Variants in CPT1A observed in about 807,000 individuals in gnomAD.
CPT1A encodes carnitine palmitoyltransferase 1A, also known as carnitine O-palmitoyltransferase 1, liver isoform.
In CPT1A, 64 loss-of-function variants were observed where a neutral mutation model predicts 100.8. The observed-to-expected ratio is 0.63, with a 90% CI of 0.52 to 0.78. The LOEUF (loss-of-function observed/expected upper bound fraction) is 0.78. Among genes scored for constraint, CPT1A ranks in the 30% least tolerant of loss-of-function variants. The pLI is 0.00. For synonymous variants in CPT1A, 363 were observed against 396.0 expected, an observed-to-expected ratio of 0.92 and a Z score of 0.99; for missense variants, 802 against 1,034.1, an observed-to-expected ratio of 0.78 and a Z score of 3.08.
intron 1 of CPT1A, among the ~76,000 whole-genome samples, chr11:68,829,381 G>A (rs1856823793): frequency 6.6e-6 from 1 of 152,140 alleles, no homozygotes; most frequent in South Asian, 2.1e-4. Context: ...AGGTATCGGA[G>A]ACATATCACA....
chr11:68,801,096 G>C lies in CPT1A; in HGVS notation c.556-1741C>G, dbSNP rs947719336. Among the ~76,000 whole-genome samples, 6 of 152,136 alleles carry C rather than the reference G, an allele frequency of 3.9e-5. No homozygotes were observed. In the East Asian group the frequency reaches 5.8e-4, roughly 15 times the overall value. ...TGCATTCCAGCCTGGGCAAGAGAGT[G>C]AGACTCTGTCTCCAAAAAAAAGGGG... On this transcript the variant is annotated intron_variant, in intron 5 of 18. Coordinates refer to ENST00000265641, the MANE Select transcript of CPT1A (RefSeq NM_001876.4).
chr11:68,823,339 A>G (rs1323105089), intron 1 of CPT1A, among the ~76,000 whole-genome samples: 1 of 152,238 alleles, frequency 6.6e-6, no homozygotes, highest in Non-Finnish European at 1.5e-5. Context: ...ACCAAAAAAT[A>G]CTGTCTGAAG....
intron 1 of CPT1A, among the ~76,000 whole-genome samples, chr11:68,826,139 AC>A (rs1193637862): frequency 1.1e-4 from 17 of 151,902 alleles, no homozygotes; most frequent in Non-Finnish European, 2.5e-4. Context: ...GCCTTGATGT[AC>A]CCCCGCACTG....
chr11:68,806,381 C>T (rs1054593259), intron 4 of CPT1A, among the ~76,000 whole-genome samples: 7 of 151,992 alleles, frequency 4.6e-5, no homozygotes, highest in African/African-American at 9.7e-5. Flanking sequence ...GCCTGTAATC[C>T]CAACACTTTG....
chr11:68,839,460 G>T, intron 1 of CPT1A: 3 of 969,766 alleles, frequency 3.1e-6, no homozygotes, highest in Non-Finnish European at 3.7e-6. Context: ...CTCGGATCCT[G>T]TTCCACCCGC....
chr11:68,830,517 CA>C (rs1025679788), intron 1 of CPT1A, among the ~76,000 whole-genome samples: 16 of 152,320 alleles, frequency 1.1e-4, no homozygotes, highest in African/African-American at 3.6e-4. Context: ...CTCTCGGAAC[CA>C]CACAGAGATG....
chr11:68,807,686 G>T lies in CPT1A; in HGVS notation c.282-48C>A, dbSNP rs201349764. ...GGGAGGCTGTGCGTGAGGCCACACG[G>T]TGCCACCAACACCACCGGTGACGCC... On this transcript the variant is annotated intron_variant, in intron 3 of 18. Transcript: ENST00000265641. 1.9e-6 allele frequency: 3 copies of T among 1,594,522 alleles called. No homozygotes were observed. In the African/African-American group the frequency reaches 4.0e-5, roughly 21 times the overall value.
chr11:68,770,975 A>G (rs1230083609), intron 14 of CPT1A, among the ~76,000 whole-genome samples: 1 of 152,218 alleles, frequency 6.6e-6, no homozygotes, highest in African/African-American at 2.4e-5. Flanking sequence ...AGAGATGAAG[A>G]GATGCCTTCC....
chr11:68,815,368 A>C lies in CPT1A; in HGVS notation c.107T>G (p.Leu36Arg), dbSNP rs1416744519. The C allele has an allele frequency of 6.2e-7, 1 of 1,614,186 alleles. No individual in the cohort carries two copies. Among genetic ancestry groups the C allele is most frequent in the Admixed American group, 1.7e-5 (1 of 60,016 alleles). The change falls in exon 2 of 19, where the codon CTT (leucine) becomes CGT (arginine). Residue 36 changes from leucine to arginine, a missense_variant. Physicochemically the swap from Leu to Arg is moderately radical, Grantham distance 102. Transcript: ENST00000265641. Reference sequence around the variant, plus strand: ...GATGAACTTCTTTTTCCAGGAATGAAGTCCAGAGAGATAGATTTGTCTAAG... The same window carrying C: ...GATGAACTTCTTTTTCCAGGAATGACGTCCAGAGAGATAGATTTGTCTAAG... ...EALRQIYLSG[L>R]HSWKKKFIRF...
rs148556982 is a variant in CPT1A at position 68,813,012 on chromosome 11, G to A, written c.142-436C>T. Among the ~76,000 whole-genome samples, 432 of 150,934 alleles carry A rather than the reference G, an allele frequency of 2.9e-3. 1 individual carries two copies. Among genetic ancestry groups the A allele is most frequent in the Middle Eastern group, 0.01 (3 of 292 alleles). ...CTGCTTAACCCTGAAGATTTCATGG[G>A]AGACCTCACCCCATGTCGAGAATTT... On this transcript the variant is annotated intron_variant, in intron 2 of 18. Transcript: ENST00000265641.
At chr11:68,777,333 G>A (rs982795630) in intron 12 of CPT1A, among the ~76,000 whole-genome samples, 5 of 152,194 alleles carry the variant, frequency 3.3e-5, no homozygotes, top group African/African-American at 1.2e-4. Flanking sequence ...GGGAGGCTGA[G>A]GTGGGAAAAT....
intron 3 of CPT1A, among the ~76,000 whole-genome samples, chr11:68,809,474 A>G (rs1331346441): frequency 6.6e-6 from 1 of 152,162 alleles, no homozygotes; most frequent in Non-Finnish European, 1.5e-5. Context: ...CAAACCTCAC[A>G]TGACACGGAT....
chr11:68,777,471 A>G (rs1228846096), intron 12 of CPT1A, among the ~76,000 whole-genome samples: 1 of 152,160 alleles, frequency 6.6e-6, no homozygotes, highest in East Asian at 1.9e-4. Context: ...AAGAACAAAC[A>G]GACTCAAGTT....
intron 12 of CPT1A, among the ~76,000 whole-genome samples, chr11:68,779,371 G>T (rs567328385): frequency 9.2e-5 from 14 of 151,674 alleles, no homozygotes; most frequent in African/African-American, 3.4e-4. Context: ...TACGGATGAT[G>T]ATCCTAGAAT....
At chr11:68,802,555 C>G (rs1031496279) in intron 5 of CPT1A, among the ~76,000 whole-genome samples, 2 of 151,164 alleles carry the variant, frequency 1.3e-5, no homozygotes, top group African/African-American at 4.9e-5. Context: ...AGTGAAACCC[C>G]GTCTCCACTA....
At position 68,812,502 on chromosome 11, in the gene CPT1A, C is replaced by T. The variant is rs759964195; in HGVS notation, c.216G>A (p.Thr72=). ...WLIVVVGVMT[T]MYAKIDPSLG... The stretch of plus-strand genomic sequence containing the variant: ...ACGAGGGGTCGATCTTGGCGTACAT[C>T]GTTGTCATCACGCCCACCACCACGA... Residue 72 remains threonine (T), a synonymous_variant, in exon 3 of 19, where the codon ACG becomes ACA. Coordinates refer to ENST00000265641, the MANE Select transcript of CPT1A (RefSeq NM_001876.4). The T allele has an allele frequency of 5.6e-6, 9 of 1,614,064 alleles. No homozygotes were observed. Among genetic ancestry groups the T allele is most frequent in the South Asian group, 3.3e-5 (3 of 91,088 alleles).
At chr11:68,813,285 C>T (rs1400051800) in intron 2 of CPT1A, among the ~76,000 whole-genome samples, 1 of 151,980 alleles carries the variant, frequency 6.6e-6, no homozygotes, top group Non-Finnish European at 1.5e-5. Flanking sequence ...AACCCCAGCA[C>T]TTTGGGAGGC....
At chr11:68,760,744 GGT>G in intron 16 of CPT1A, among the ~76,000 whole-genome samples, 1 of 152,338 alleles carries the variant, frequency 6.6e-6, no homozygotes. Context: ...CAGGCGCAAT[GGT>G]TCATGTCTGT....
chr11:68,782,336 A>G (rs1796285210), intron 10 of CPT1A, among the ~76,000 whole-genome samples: 1 of 152,138 alleles, frequency 6.6e-6, no homozygotes, highest in Non-Finnish European at 1.5e-5. Context: ...AGCCCAGGTC[A>G]CAGTAAGTGC....
Sources: allele counts gnomAD v4.1 joint callset (sites outside exome capture counted in the v4.1 genomes callset), GRCh38; gene constraint gnomAD v4.1.1; transcripts MANE v1.5; gene names NCBI Gene and HGNC (gene_info 2026-07-23, HGNC 2026-07-21).